TAFA1: variants seen among roughly 807,000 people sequenced by gnomAD.
TAFA1 encodes the protein chemokine-like protein TAFA-1.
A neutral mutation model predicts 18.5 loss-of-function variants in TAFA1; 4 were observed. The observed-to-expected ratio is 0.22, with a 90% CI of 0.11 to 0.49. The LOEUF is 0.49. Ranked by LOEUF, TAFA1 falls within the 20% of genes least tolerant of loss-of-function variation. The pLI, the probability that TAFA1 is intolerant of heterozygous loss-of-function variation, is 0.98. For synonymous variants in TAFA1, 56 were observed against 55.2 expected (o/e 1.01, Z -0.06); for missense variants, 147 against 169.0 (o/e 0.87, Z 0.72).
chr3:68,522,695 A>G (rs1355802669), intron 3 of TAFA1, among the ~76,000 whole-genome samples: 1 of 152,172 alleles, frequency 6.6e-6, no homozygotes, highest in African/African-American at 2.4e-5. Context: ...CTAAAAATAC[A>G]AAAATTAGCC....
Position 68,380,391 on chromosome 3 carries a change from A to C in TAFA1, c.119-36889A>C, listed in dbSNP as rs550745811. 4.6e-3 allele frequency among the ~76,000 whole-genome samples: 702 copies of C among 152,286 alleles called. 2 individuals carry two copies. Among genetic ancestry groups the C allele is most frequent in the African/African-American group, 0.01 (418 of 41,560 alleles). ...TAGTTTACAGTCCCACCAACAGTGT[A>C]AAAGTGTTCCTATTTCTCCACATCC... On this transcript the variant is annotated intron_variant, in intron 2 of 4. Coordinates refer to ENST00000478136, the MANE Select transcript of TAFA1 (RefSeq NM_213609.4).
At chr3:68,252,672 C>G (rs1479849573) in intron 2 of TAFA1, among the ~76,000 whole-genome samples, 1 of 152,154 alleles carries the variant, frequency 6.6e-6, no homozygotes, top group African/African-American at 2.4e-5. Context: ...GCCAAACTGC[C>G]TGGGTACCAA....
chr3:68,527,183 TAGAATC>T (rs1411256772), intron 3 of TAFA1, among the ~76,000 whole-genome samples: 2 of 152,300 alleles, frequency 1.3e-5, no homozygotes, highest in East Asian at 1.9e-4. Context: ...GATTTACAAA[TAGAATC>T]AGGGATAAAG....
chr3:68,301,207 T>C (rs2106643595), intron 2 of TAFA1, among the ~76,000 whole-genome samples: 1 of 152,338 alleles, frequency 6.6e-6, no homozygotes, highest in Middle Eastern at 3.4e-3. Context: ...TCTGTTGTCC[T>C]TCCATTAATT....
At chr3:68,060,069 GA>G (rs200208040) in intron 2 of TAFA1, among the ~76,000 whole-genome samples, 10 of 145,400 alleles carry the variant, frequency 6.9e-5, no homozygotes, top group South Asian at 4.3e-4. Context: ...CTTACTGAAG[GA>G]AAAAAAAAAC....
chr3:68,188,678 A>G (rs1244826444), intron 2 of TAFA1, among the ~76,000 whole-genome samples: 1 of 151,870 alleles, frequency 6.6e-6, no homozygotes, highest in Non-Finnish European at 1.5e-5. Context: ...CCATTAGGTC[A>G]TTAAGTGTCT....
chr3:68,089,793 C>T (rs2065011078), intron 2 of TAFA1, among the ~76,000 whole-genome samples: 1 of 152,112 alleles, frequency 6.6e-6, no homozygotes, highest in Non-Finnish European at 1.5e-5. Flanking sequence ...TAGCTGGTCC[C>T]TCAATGTCTG....
At chr3:68,361,758 C>A (rs1032489999) in intron 2 of TAFA1, among the ~76,000 whole-genome samples, 2 of 151,956 alleles carry the variant, frequency 1.3e-5, no homozygotes, top group Non-Finnish European at 2.9e-5. Flanking sequence ...TTATTTGTAA[C>A]CTTTTGTGTT....
At chr3:68,052,107 T>C (rs2064477773) in intron 2 of TAFA1, among the ~76,000 whole-genome samples, 1 of 152,190 alleles carries the variant, frequency 6.6e-6, no homozygotes, top group South Asian at 2.1e-4. Context: ...TATGATTTCA[T>C]GATTTTTGAA....
chr3:68,369,191 A>G (rs189710537), intron 2 of TAFA1, among the ~76,000 whole-genome samples: 431 of 149,034 alleles, frequency 2.9e-3, no homozygotes, highest in Non-Finnish European at 5.6e-3. Flanking sequence ...GTGCAGGCAC[A>G]CACACACACA....
At position 68,219,171 on chromosome 3, in the gene TAFA1, TA is replaced by T. The variant is rs552847507; in HGVS notation, c.119-198101del. On this transcript the variant is annotated intron_variant, in intron 2 of 4. Transcript: ENST00000478136. Reference sequence around the variant, plus strand: ...AAATATGGCTACAGCTACTATATCTTAAAAAAAATAAATCTTAGGCATAGCT... The same window carrying T: ...AAATATGGCTACAGCTACTATATCTTAAAAAAATAAATCTTAGGCATAGCT... Among the ~76,000 whole-genome samples, 1,267 of 151,926 alleles carry T rather than the reference TA, an allele frequency of 8.3e-3. 9 individuals are homozygous for T. Among genetic ancestry groups the T allele is most frequent in the Non-Finnish European group, 0.014 (924 of 67,938 alleles).
chr3:68,118,861 G>T (rs2065354189), intron 2 of TAFA1, among the ~76,000 whole-genome samples: 1 of 152,070 alleles, frequency 6.6e-6, no homozygotes, highest in Non-Finnish European at 1.5e-5. Context: ...TTTTTGAGAT[G>T]CTGCTTTAAT....
chr3:68,096,025 A>G (rs2065083149), intron 2 of TAFA1, among the ~76,000 whole-genome samples: 1 of 151,956 alleles, frequency 6.6e-6, no homozygotes, highest in African/African-American at 2.4e-5. Flanking sequence ...GTTCTATCTA[A>G]CTGTGTTTGT....
intron 2 of TAFA1, among the ~76,000 whole-genome samples, chr3:68,167,420 T>C (rs2065994868): frequency 6.6e-6 from 1 of 151,686 alleles, no homozygotes; most frequent in Non-Finnish European, 1.5e-5. Context: ...CTACTAAAAA[T>C]ACAAAAAATT....
At chr3:68,054,080 T>G (rs1455457560) in intron 2 of TAFA1, among the ~76,000 whole-genome samples, 1 of 152,082 alleles carries the variant, frequency 6.6e-6, no homozygotes, top group Admixed American at 6.6e-5. Context: ...TTCACAGATA[T>G]GAAGTTTTAA....
At chr3:68,466,951 A>G (rs939790847) in intron 3 of TAFA1, among the ~76,000 whole-genome samples, 6 of 152,248 alleles carry the variant, frequency 3.9e-5, no homozygotes, top group African/African-American at 1.4e-4. Flanking sequence ...TTATTAGCCA[A>G]TTTTCAAAGG....
chr3:68,363,639 T>C (rs138854685), intron 2 of TAFA1, among the ~76,000 whole-genome samples: 85 of 152,306 alleles, frequency 5.6e-4, no homozygotes, highest in African/African-American at 2.0e-3. Flanking sequence ...GAAGGAAGCA[T>C]AAATAAGAAA....
intron 2 of TAFA1, among the ~76,000 whole-genome samples, chr3:68,353,325 C>T (rs1296943208): frequency 2.0e-5 from 3 of 152,102 alleles, no homozygotes; most frequent in Non-Finnish European, 4.4e-5. Flanking sequence ...TGAAGATGGA[C>T]TTGATTGTGT....
intron 2 of TAFA1, among the ~76,000 whole-genome samples, chr3:68,291,043 A>G (rs2068095063): frequency 6.6e-6 from 1 of 152,194 alleles, no homozygotes; most frequent in African/African-American, 2.4e-5. Context: ...GTGAACATCA[A>G]ATAAAAATGA....
Sources: gnomAD v4.1 joint callset for allele counts (sites outside exome capture counted in the v4.1 genomes callset) on GRCh38, gnomAD v4.1.1 for gene constraint, MANE v1.5 for transcripts, NCBI Gene and HGNC (gene_info 2026-07-23, HGNC 2026-07-21) for gene names.